The following HEPACAM2 variants were observed in gnomAD, a reference collection of about 807,000 sequenced individuals.
HEPACAM2 encodes the protein HEPACAM family member 2.
In HEPACAM2, 49 loss-of-function variants were observed where a neutral mutation model predicts 49.6. The observed-to-expected ratio is 0.99, with a 90% CI of 0.78 to 1.25. The LOEUF (loss-of-function observed/expected upper bound fraction) is 1.25, where lower values mean the gene tolerates loss of function less well. Among genes scored for constraint, HEPACAM2 ranks in the 50% most tolerant of loss-of-function variants. The pLI, the probability that HEPACAM2 is intolerant of heterozygous loss-of-function variation, is 0.00. For synonymous variants in HEPACAM2, 197 were observed against 202.9 expected (o/e 0.97, Z 0.25); for missense variants, 525 against 557.2 (o/e 0.94, Z 0.58).
At chr7:93,230,873 T>C (rs141874629), upstream of HEPACAM2, among the ~76,000 whole-genome samples, 9 of 152,350 alleles carry the variant, frequency 5.9e-5, no homozygotes, top group East Asian at 1.7e-3. Flanking sequence ...GATACAAGTA[T>C]GCACAAGGTG....
chr7:93,190,184 G>T (rs531664911), intron 9 of HEPACAM2, among the ~76,000 whole-genome samples: 3 of 151,936 alleles, frequency 2.0e-5, no homozygotes, highest in South Asian at 2.1e-4. Context: ...TTCTGATAAA[G>T]AAAAAGGAAG....
At chr7:93,226,303 T>C (rs1794537859) in intron 1 of HEPACAM2, 65 bp downstream of exon 1, 2 of 1,179,056 alleles carry the variant, frequency 1.7e-6, no homozygotes, top group Admixed American at 3.9e-5. Flanking sequence ...ATATTTACCT[T>C]ATGTCCACAA....
At chr7:93,226,494 G>T, upstream of HEPACAM2, 1 of 1,426,658 alleles carries the variant, frequency 7.0e-7, no homozygotes, top group Non-Finnish European at 9.9e-7. Context: ...GCAGCTGCTG[G>T]TTTATTTGCT....
At chr7:93,203,001 C>T (rs1793934489) in intron 4 of HEPACAM2, among the ~76,000 whole-genome samples, 1 of 152,112 alleles carries the variant, frequency 6.6e-6, no homozygotes, top group Non-Finnish European at 1.5e-5. Context: ...TTTCCTTCCT[C>T]CATTACTTCC....
chr7:93,214,828 T>G (rs1465157816), intron 3 of HEPACAM2, among the ~76,000 whole-genome samples: 1 of 152,190 alleles, frequency 6.6e-6, no homozygotes, highest in African/African-American at 2.4e-5. Flanking sequence ...CAAAAGTATA[T>G]GTCAAAAATG....
Position 93,197,588 on chromosome 7 carries a change from T to C in HEPACAM2, c.1035A>G (p.Lys345=). The stretch of plus-strand genomic sequence containing the variant: ...TTGCTAAAGGTGACAATGATTTTCC[T>C]TTCTGTGCAAGCTTCTCCAGTCCTA... ...TSVGLEKLAQ[K]GKSLSPLASI... is the part of the protein sequence containing the mutation. The change falls in exon 5 of 10, where the codon AAA becomes AAG. Residue 345 remains lysine, a synonymous_variant. Transcript: ENST00000394468. 6.3e-7 allele frequency: 1 copy of C among 1,597,922 alleles called. No individual in the cohort carries two copies. Among genetic ancestry groups the C allele is most frequent in the Non-Finnish European group, 8.5e-7 (1 of 1,171,274 alleles).
intron 1 of HEPACAM2, among the ~76,000 whole-genome samples, chr7:93,224,714 T>C (rs1460626404): frequency 6.6e-6 from 1 of 152,190 alleles, no homozygotes; most frequent in East Asian, 1.9e-4. Flanking sequence ...AAGTGACCTC[T>C]GCTGTAGCTC....
At chr7:93,206,760 T>G (rs957545895) in intron 4 of HEPACAM2, among the ~76,000 whole-genome samples, 1 of 152,056 alleles carries the variant, frequency 6.6e-6, no homozygotes, top group Non-Finnish European at 1.5e-5. Flanking sequence ...TTTCTTCATA[T>G]GAAAAAACCC....
At chr7:93,224,365 A>T (rs1473069184) in intron 1 of HEPACAM2, among the ~76,000 whole-genome samples, 1 of 152,126 alleles carries the variant, frequency 6.6e-6, no homozygotes, top group Non-Finnish European at 1.5e-5. Context: ...CGGAAATTTA[A>T]ATTCGATTTT....
upstream of HEPACAM2, among the ~76,000 whole-genome samples, chr7:93,230,083 A>G (rs989664358): frequency 6.6e-6 from 1 of 152,192 alleles, no homozygotes; most frequent in Non-Finnish European, 1.5e-5. Flanking sequence ...AGAGTTTTGG[A>G]GTAAAACAAA....
At chr7:93,193,630 GGTCTCGCTATGTT>G (rs1204258442) in intron 8 of HEPACAM2, among the ~76,000 whole-genome samples, 1 of 151,906 alleles carries the variant, frequency 6.6e-6, no homozygotes, top group Non-Finnish European at 1.5e-5. Flanking sequence ...TTTGAGTCAG[GGTCTCGCTATGTT>G]ACTCAGGTTG....
chr7:93,226,707 T>C (rs1354195840), upstream of HEPACAM2, among the ~76,000 whole-genome samples: 1 of 152,182 alleles, frequency 6.6e-6, no homozygotes, highest in Non-Finnish European at 1.5e-5. Flanking sequence ...TACTTAGTTA[T>C]TAAAAAATCA....
chr7:93,208,467 T>C (rs73218061), intron 4 of HEPACAM2, 113 bp downstream of exon 4: 31,561 of 909,620 alleles, frequency 0.035, 668 homozygotes, highest in Non-Finnish European at 0.04. Context: ...TTTTAGAATA[T>C]ATGAATAATC....
At chr7:93,228,089 G>A (rs1794570105), upstream of HEPACAM2, among the ~76,000 whole-genome samples, 1 of 152,102 alleles carries the variant, frequency 6.6e-6, no homozygotes, top group African/African-American at 2.4e-5. Context: ...ATCTCCAATT[G>A]CCGTTATCAA....
intron 4 of HEPACAM2, among the ~76,000 whole-genome samples, chr7:93,200,158 T>C (rs1212989204): frequency 6.6e-6 from 1 of 152,102 alleles, no homozygotes; most frequent in East Asian, 1.9e-4. Flanking sequence ...TACTGAGTTT[T>C]TGTCTGTTTT....
chr7:93,215,733 A>G (rs924274678), intron 2 of HEPACAM2, 48 bp from the exon 3 acceptor site: 15 of 1,573,572 alleles, frequency 9.5e-6, no homozygotes, highest in Non-Finnish European at 1.2e-5. Context: ...TCATGGAAAT[A>G]TAATAAAACC....
At chr7:93,209,441 C>T (rs1179946099) in intron 3 of HEPACAM2, among the ~76,000 whole-genome samples, 2 of 151,858 alleles carry the variant, frequency 1.3e-5, no homozygotes, top group Non-Finnish European at 2.9e-5. Context: ...TTGTTGGGTA[C>T]ATTCAAAGTC....
chr7:93,189,147 G>T lies in HEPACAM2; in HGVS notation c.*120C>A. 1 of 799,214 alleles carries T rather than the reference G, an allele frequency of 1.3e-6. No individual in the cohort carries two copies. 49.5% of individuals were successfully genotyped at this position (799,214 alleles called of 1,614,324 possible). Reference sequence around the variant, plus strand: ...TCTATTCTGCATGTAAAGGAATAATGAGTAAGAGGTGTTGGTCTTGGTTTC... The same window carrying T: ...TCTATTCTGCATGTAAAGGAATAATTAGTAAGAGGTGTTGGTCTTGGTTTC... On this transcript the variant is annotated 3_prime_UTR_variant, in exon 10 of 10. Transcript: ENST00000394468.
At chr7:93,209,032 G>A (rs1294326966) in intron 3 of HEPACAM2, among the ~76,000 whole-genome samples, 156 bp from the exon 4 acceptor site, 1 of 152,012 alleles carries the variant, frequency 6.6e-6, no homozygotes, top group East Asian at 1.9e-4. Context: ...AAATGATGAG[G>A]ACCTAAATAT....
Sources: allele counts gnomAD v4.1 joint callset (sites outside exome capture counted in the v4.1 genomes callset), GRCh38; gene constraint gnomAD v4.1.1; transcripts MANE v1.5; gene names NCBI Gene and HGNC (gene_info 2026-07-23, HGNC 2026-07-21).